Variants in DHCR24 observed in about 807,000 individuals in gnomAD.
The protein encoded by DHCR24 is delta(24)-sterol reductase.
A neutral mutation model predicts 61.2 loss-of-function variants in DHCR24; 28 were observed. That is an observed-to-expected ratio of 0.46 (90% confidence interval 0.34 to 0.63). The LOEUF is 0.63. Among genes scored for constraint, DHCR24 ranks in the 20% least tolerant of loss-of-function variants. The pLI is 0.01. For missense variants in DHCR24, 538 were observed against 679.1 expected, an observed-to-expected ratio of 0.79 and a Z score of 2.31; for synonymous variants, 261 against 275.9, an observed-to-expected ratio of 0.95 and a Z score of 0.54.
chr1:54,886,353 C>G (rs1324782536), intron 1 of DHCR24, among the ~76,000 whole-genome samples: 1 of 152,194 alleles, frequency 6.6e-6, no homozygotes, highest in Non-Finnish European at 1.5e-5. Context: ...TATCCTAAAC[C>G]CAATCAAAAG....
rs371585179 is a variant in DHCR24, at chr1:54,886,870, C to G, written c.231+19G>C. 229 of 1,610,432 alleles carry G rather than the reference C, an allele frequency of 1.4e-4. No homozygotes were observed. In the African/African-American group the frequency reaches 2.5e-3, roughly 18 times the overall value. On this transcript the variant is annotated intron_variant, in intron 1 of 8. Transcript: ENST00000371269. The stretch of plus-strand genomic sequence containing the variant: ...GCCGCCTCCGGCCCTGAGTCCCGGC[C>G]GCACCCGGCGCCGCTCACCTGCTTC...
intron 6 of DHCR24, among the ~76,000 whole-genome samples, chr1:54,863,643 G>T (rs1325556635): frequency 6.6e-6 from 1 of 152,148 alleles, no homozygotes; most frequent in Non-Finnish European, 1.5e-5. Context: ...GCTTGGACTT[G>T]ACAATAAATT....
intron 3 of DHCR24, among the ~76,000 whole-genome samples, 177 bp from the exon 4 acceptor site, chr1:54,875,388 G>A (rs1456887955): frequency 6.6e-6 from 1 of 152,084 alleles, no homozygotes; most frequent in African/African-American, 2.4e-5. Flanking sequence ...AGGGAAGGAG[G>A]GGCTCAGATG....
At chr1:54,877,810 AG>A (rs1204049899) in intron 2 of DHCR24, among the ~76,000 whole-genome samples, 1 of 151,896 alleles carries the variant, frequency 6.6e-6, no homozygotes, top group Admixed American at 6.6e-5. Context: ...CAGGAGTTCA[AG>A]ACCAGCCCGA....
At chr1:54,877,518 C>T (rs1647040474) in intron 2 of DHCR24, among the ~76,000 whole-genome samples, 1 of 151,672 alleles carries the variant, frequency 6.6e-6, no homozygotes, top group Non-Finnish European at 1.5e-5. Flanking sequence ...ACAAGGTGAG[C>T]TCTGAGGCGG....
At chr1:54,857,029 G>A (rs942294407) in intron 6 of DHCR24, among the ~76,000 whole-genome samples, 2 of 152,200 alleles carry the variant, frequency 1.3e-5, no homozygotes, top group Non-Finnish European at 2.9e-5. Flanking sequence ...AAAGCCATTT[G>A]TGTTTTTTTC....
intron 7 of DHCR24, 31 bp from the exon 8 acceptor site, chr1:54,853,643 C>T (rs768130352): frequency 6.2e-7 from 1 of 1,600,826 alleles, no homozygotes; most frequent in East Asian, 2.3e-5. Flanking sequence ...GGTATTGGTG[C>T]TTTTTCTCCA....
intron 1 of DHCR24, among the ~76,000 whole-genome samples, chr1:54,885,830 G>C (rs1055912372): frequency 3.3e-5 from 5 of 152,260 alleles, no homozygotes; most frequent in Admixed American, 6.5e-5. Flanking sequence ...ATTTGAACTC[G>C]AGAAAAGAGC....
At chr1:54,865,170 G>C in intron 6 of DHCR24, 133 bp downstream of exon 6, 1 of 1,090,710 alleles carries the variant, frequency 9.2e-7, no homozygotes, top group South Asian at 1.4e-5. Context: ...TGCTGCTTAA[G>C]AAGGCATTGC....
At chr1:54,864,230 T>C (rs1312192412) in intron 6 of DHCR24, among the ~76,000 whole-genome samples, 1 of 152,182 alleles carries the variant, frequency 6.6e-6, no homozygotes, top group Non-Finnish European at 1.5e-5. Flanking sequence ...AAAACAAGTA[T>C]TCAAACAAAT....
At chr1:54,860,651 C>T (rs908726217) in intron 6 of DHCR24, among the ~76,000 whole-genome samples, 3 of 152,210 alleles carry the variant, frequency 2.0e-5, no homozygotes, top group Non-Finnish European at 4.4e-5. Flanking sequence ...TCCTTGGTTC[C>T]TTTCACCGGT....
chr1:54,853,369 T>A, intron 8 of DHCR24, 65 bp downstream of exon 8: 1 of 1,600,714 alleles, frequency 6.2e-7, no homozygotes, highest in Non-Finnish European at 8.5e-7. Context: ...GCTGGCCTCA[T>A]TCCCCTGGAG....
At chr1:54,855,344 A>T (rs1646901119) in intron 6 of DHCR24, among the ~76,000 whole-genome samples, 1 of 149,932 alleles carries the variant, frequency 6.7e-6, no homozygotes, top group South Asian at 2.1e-4. Flanking sequence ...CAGTGAGCCG[A>T]GATTGTGCCA....
At chr1:54,885,442 A>G (rs1400987934) in intron 1 of DHCR24, among the ~76,000 whole-genome samples, 2 of 152,192 alleles carry the variant, frequency 1.3e-5, no homozygotes, top group African/African-American at 4.8e-5. Flanking sequence ...GGGGAAGGGA[A>G]AGCCTGGGAA....
chr1:54,883,568 A>G lies in DHCR24; in HGVS notation c.387+50T>C. On this transcript the variant is annotated intron_variant, in intron 2 of 8. Transcript: ENST00000371269. This position sits in a 1 kb window ranked among gnomAD's most constrained non-coding sequence, Gnocchi z 4.3. Reference sequence around the variant, plus strand: ...CATCTCCCTATGAGTCACTTGCACCAGGGGCAGTGCCCCACCTGCTCCCAG... The same window carrying G: ...CATCTCCCTATGAGTCACTTGCACCGGGGGCAGTGCCCCACCTGCTCCCAG... 1.2e-6 allele frequency: 2 copies of G among 1,608,410 alleles called. No individual in the cohort carries two copies. Among genetic ancestry groups the G allele is most frequent in the African/African-American group, 2.7e-5 (2 of 74,946 alleles).
chr1:54,875,932 G>A lies in DHCR24; in HGVS notation c.493+10C>T, dbSNP rs759339448. ...GTGTCTCTTCTTGCCCGTTAATATAGGGTCCTCACCCACTGTGAGGTCATC... is the reference window on the plus strand; with the variant it reads ...GTGTCTCTTCTTGCCCGTTAATATAAGGTCCTCACCCACTGTGAGGTCATC... On this transcript the variant is annotated intron_variant, in intron 3 of 8. Transcript: ENST00000371269. The A allele has an allele frequency of 6.8e-6, 11 of 1,606,492 alleles. No individual in the cohort carries two copies. The African/African-American group carries it at 1.3e-4, about 20-fold the overall frequency.
At chr1:54,858,811 T>C (rs772092098) in intron 6 of DHCR24, among the ~76,000 whole-genome samples, 3 of 152,072 alleles carry the variant, frequency 2.0e-5, no homozygotes, top group Non-Finnish European at 4.4e-5. Context: ...TAATTTTGTA[T>C]TTTTAGTAGA....
At chr1:54,875,062 T>C in intron 4 of DHCR24, 31 bp downstream of exon 4, 1 of 1,585,414 alleles carries the variant, frequency 6.3e-7, no homozygotes, top group African/African-American at 1.3e-5. Context: ...CAGAGCAGGC[T>C]GGCATGGACA....
chr1:54,852,961 T>A (rs1462680233), intron 8 of DHCR24, among the ~76,000 whole-genome samples: 1 of 152,192 alleles, frequency 6.6e-6, no homozygotes, highest in African/African-American at 2.4e-5. Context: ...GCATTGTTTT[T>A]TCCTGGCTTT....
Sources: allele counts gnomAD v4.1 joint callset (sites outside exome capture counted in the v4.1 genomes callset), GRCh38; gene constraint gnomAD v4.1.1; non-coding constraint Gnocchi (gnomAD v3.1); transcripts MANE v1.5; gene names NCBI Gene and HGNC (gene_info 2026-07-23, HGNC 2026-07-21).